The following RBFOX1 variants were observed in gnomAD, a reference collection of about 807,000 sequenced individuals.
The protein encoded by RBFOX1 is RNA binding protein fox-1 homolog 1.
Under a neutral mutation model 57.7 loss-of-function variants are expected in RBFOX1, and 8 were observed. The observed-to-expected ratio is 0.14, with a 90% CI of 0.08 to 0.25. RBFOX1 has a LOEUF of 0.25. Ranked by LOEUF, RBFOX1 falls within the 10% of genes least tolerant of loss-of-function variation. RBFOX1 has a pLI of 1.00. For synonymous variants in RBFOX1, 326 were observed against 222.4 expected (o/e 1.47, Z -4.15); for missense variants, 611 against 548.5 (o/e 1.11, Z -1.14).
chr16:6,375,471 C>T (rs1249423546), intron 2 of RBFOX1, among the ~76,000 whole-genome samples: 1 of 151,224 alleles, frequency 6.6e-6, no homozygotes, highest in East Asian at 1.9e-4. Context: ...GGTTGTATTT[C>T]TCTAACATTT....
chr16:5,392,216 C>T (rs1336648674), intron 1 of RBFOX1, among the ~76,000 whole-genome samples: 1 of 152,028 alleles, frequency 6.6e-6, no homozygotes, highest in Non-Finnish European at 1.5e-5. Context: ...ACCAAAACCT[C>T]ACAAATCACC....
chr16:5,632,739 G>A (rs543777137), intron 3 of RBFOX1, among the ~76,000 whole-genome samples: 1 of 152,102 alleles, frequency 6.6e-6, no homozygotes, highest in Non-Finnish European at 1.5e-5. Context: ...TTACTGTCCC[G>A]CACATGCTGC....
At chr16:7,257,804 T>A (rs1295120110) in intron 4 of RBFOX1, among the ~76,000 whole-genome samples, 1 of 152,204 alleles carries the variant, frequency 6.6e-6, no homozygotes, top group Admixed American at 6.5e-5. Context: ...AGAGCTATCA[T>A]CGTTGATAGC....
chr16:6,068,393 A>G (rs887208757), intron 1 of RBFOX1, among the ~76,000 whole-genome samples: 1 of 152,206 alleles, frequency 6.6e-6, no homozygotes, highest in African/African-American at 2.4e-5. Context: ...GCCTTTATAC[A>G]AAGGCTGGAG....
chr16:6,743,602 G>A (rs992318987), intron 3 of RBFOX1, among the ~76,000 whole-genome samples: 1 of 151,638 alleles, frequency 6.6e-6, no homozygotes, highest in South Asian at 2.1e-4. Flanking sequence ...ATTGAAGTGA[G>A]CATGGTGGTG....
At chr16:6,677,972 A>G (rs1319906852) in intron 3 of RBFOX1, among the ~76,000 whole-genome samples, 1 of 152,256 alleles carries the variant, frequency 6.6e-6, no homozygotes, top group Non-Finnish European at 1.5e-5. Context: ...ATAGAAATAT[A>G]ATGTCAAACA....
intron 4 of RBFOX1, among the ~76,000 whole-genome samples, chr16:7,191,331 CAAA>C (rs1567641640): frequency 9.4e-6 from 1 of 106,924 alleles, no homozygotes; most frequent in African/African-American, 3.6e-5. Flanking sequence ...CCGTTGCTGA[CAAA>C]AAAAGAAAAA....
At chr16:5,264,791 C>T (rs541012991) in intron 1 of RBFOX1, among the ~76,000 whole-genome samples, 2 of 152,114 alleles carry the variant, frequency 1.3e-5, no homozygotes, top group African/African-American at 2.4e-5. Context: ...ATTCTTCTCC[C>T]TCTGTTCCCT....
intron 4 of RBFOX1, among the ~76,000 whole-genome samples, chr16:5,962,202 C>G (rs1012924796): frequency 6.6e-6 from 1 of 152,300 alleles, no homozygotes; most frequent in South Asian, 2.1e-4. Context: ...AAAACATAGT[C>G]ACATTCACTC....
At chr16:6,872,085 T>A (rs2061011948) in intron 3 of RBFOX1, among the ~76,000 whole-genome samples, 1 of 152,142 alleles carries the variant, frequency 6.6e-6, no homozygotes, top group Non-Finnish European at 1.5e-5. Flanking sequence ...CTTTGTCTTT[T>A]CACAGCATAA....
intron 3 of RBFOX1, among the ~76,000 whole-genome samples, chr16:5,844,069 G>T (rs1013959955): frequency 1.3e-5 from 2 of 152,208 alleles, no homozygotes; most frequent in Admixed American, 6.5e-5. Flanking sequence ...GGGCTGCCTG[G>T]ATGGTCTAGT....
At chr16:5,499,877 C>G (rs1375822596) in intron 2 of RBFOX1, among the ~76,000 whole-genome samples, 3 of 152,058 alleles carry the variant, frequency 2.0e-5, no homozygotes, top group Admixed American at 6.6e-5. Context: ...CCGGCCAAGC[C>G]CAGGTTTTTC....
intron 1 of RBFOX1, among the ~76,000 whole-genome samples, chr16:6,240,083 C>T (rs180803749): frequency 1.3e-5 from 2 of 152,198 alleles, no homozygotes; most frequent in African/African-American, 4.8e-5. Flanking sequence ...GCATCTCGCT[C>T]TACTCCTTTT....
At chr16:6,792,659 T>A (rs562213398) in intron 3 of RBFOX1, among the ~76,000 whole-genome samples, 1 of 152,366 alleles carries the variant, frequency 6.6e-6, no homozygotes, top group South Asian at 2.1e-4. Flanking sequence ...TGTCATGTCT[T>A]TTTCATTTCT....
chr16:7,475,776 G>T (rs1168974121), intron 4 of RBFOX1, among the ~76,000 whole-genome samples: 1 of 152,148 alleles, frequency 6.6e-6, no homozygotes, highest in South Asian at 2.1e-4. Context: ...TTGTGTTAAA[G>T]TATTAGGGTA....
chr16:7,702,222 G>T (rs1233016474), intron 14 of RBFOX1, among the ~76,000 whole-genome samples: 1 of 152,220 alleles, frequency 6.6e-6, no homozygotes. Flanking sequence ...GAAGATAAGA[G>T]ACTGATCATT....
chr16:6,193,598 T>G (rs1470791043), intron 1 of RBFOX1, among the ~76,000 whole-genome samples: 2 of 151,228 alleles, frequency 1.3e-5, no homozygotes, highest in Admixed American at 6.6e-5. Flanking sequence ...AAATAAAGAA[T>G]AAACACAATA....
intron 4 of RBFOX1, among the ~76,000 whole-genome samples, chr16:7,302,418 C>T (rs1358802974): frequency 1.3e-5 from 2 of 152,032 alleles, no homozygotes; most frequent in African/African-American, 4.8e-5. Flanking sequence ...CTGAGGATGT[C>T]GGGGTGAGCC....
chr16:6,542,961 A>G (rs1023139153), intron 2 of RBFOX1, among the ~76,000 whole-genome samples: 1 of 152,068 alleles, frequency 6.6e-6, no homozygotes, highest in Non-Finnish European at 1.5e-5. Flanking sequence ...ACAGTGCGGC[A>G]TCACTCTTAT....
Sources: allele counts gnomAD v4.1 joint callset (sites outside exome capture counted in the v4.1 genomes callset), GRCh38; gene constraint gnomAD v4.1.1; transcripts MANE v1.5; gene names NCBI Gene and HGNC (gene_info 2026-07-23, HGNC 2026-07-21).